Variants in LRFN2 observed in about 807,000 individuals in gnomAD.
LRFN2 encodes leucine rich repeat and fibronectin type III domain containing 2.
A neutral mutation model predicts 37.3 loss-of-function variants in LRFN2; 18 were observed. That is an observed-to-expected ratio of 0.48 (90% CI 0.33 to 0.72). The LOEUF is 0.72. Ranked by LOEUF, LRFN2 falls within the 30% of genes least tolerant of loss-of-function variation. LRFN2 has a pLI of 0.02. For synonymous variants in LRFN2, 556 were observed against 466.6 expected (o/e 1.19, Z -2.47); for missense variants, 1,006 against 1,060.7 (o/e 0.95, Z 0.72).
At chr6:40,541,830 C>T (rs1189457721) in intron 1 of LRFN2, among the ~76,000 whole-genome samples, 1 of 152,224 alleles carries the variant, frequency 6.6e-6, no homozygotes, top group Non-Finnish European at 1.5e-5. Context: ...TTCCAGCACC[C>T]CCTCCCCATA....
At chr6:40,529,610 A>C (rs746996149) in intron 1 of LRFN2, among the ~76,000 whole-genome samples, 3 of 152,254 alleles carry the variant, frequency 2.0e-5, no homozygotes, top group Non-Finnish European at 4.4e-5. Context: ...GATTATGCAT[A>C]GTTTTCTGCC....
chr6:40,474,861 T>G (rs2113859548), intron 1 of LRFN2, among the ~76,000 whole-genome samples: 1 of 152,354 alleles, frequency 6.6e-6, no homozygotes, highest in East Asian at 1.9e-4. Context: ...AAATTATCAT[T>G]TGGAGTTTGC....
chr6:40,436,554 T>A, intron 1 of LRFN2, among the ~76,000 whole-genome samples: 1 of 147,754 alleles, frequency 6.8e-6, no homozygotes, highest in East Asian at 2.0e-4. Flanking sequence ...AAGTGCCGAG[T>A]TCCACACAGC....
intron 1 of LRFN2, among the ~76,000 whole-genome samples, chr6:40,564,159 C>T (rs1395398716): frequency 6.6e-6 from 1 of 152,140 alleles, no homozygotes; most frequent in Non-Finnish European, 1.5e-5. Flanking sequence ...TCAGCTGAGT[C>T]TTAGGTCTGG....
chr6:40,450,547 G>A (rs1561860976), intron 1 of LRFN2, among the ~76,000 whole-genome samples: 3 of 152,340 alleles, frequency 2.0e-5, no homozygotes, highest in Admixed American at 6.5e-5. Flanking sequence ...GGATGCAACC[G>A]TGCTGGAAGC....
intron 2 of LRFN2, among the ~76,000 whole-genome samples, chr6:40,424,009 A>G (rs1763289484): frequency 6.6e-6 from 1 of 152,204 alleles, no homozygotes; most frequent in Admixed American, 6.5e-5. Context: ...TTTAAGTCAT[A>G]CTAGTTGAGT....
chr6:40,554,229 A>G (rs1403056895), intron 1 of LRFN2, among the ~76,000 whole-genome samples: 1 of 152,176 alleles, frequency 6.6e-6, no homozygotes, highest in African/African-American at 2.4e-5. Context: ...GGAAGTCAGG[A>G]TGGATGTCAA....
intron 1 of LRFN2, among the ~76,000 whole-genome samples, chr6:40,475,103 G>T (rs768973777): frequency 1.6e-4 from 24 of 152,184 alleles, no homozygotes; most frequent in Non-Finnish European, 2.9e-4. Context: ...GCCTCCAGGG[G>T]TCAGTATGGC....
intron 1 of LRFN2, among the ~76,000 whole-genome samples, chr6:40,480,498 G>C (rs1357983796): frequency 6.6e-6 from 1 of 152,020 alleles, no homozygotes; most frequent in Non-Finnish European, 1.5e-5. Context: ...GGCTGGTCAC[G>C]ACCTCCTGGG....
intron 1 of LRFN2, among the ~76,000 whole-genome samples, chr6:40,469,322 T>A (rs1399294208): frequency 1.3e-5 from 2 of 152,194 alleles, no homozygotes; most frequent in African/African-American, 4.8e-5. Flanking sequence ...AGAGGACATA[T>A]TTCTGTTGGC....
At chr6:40,409,268 C>G (rs1381672223) in intron 2 of LRFN2, among the ~76,000 whole-genome samples, 1 of 152,202 alleles carries the variant, frequency 6.6e-6, no homozygotes, top group Non-Finnish European at 1.5e-5. Flanking sequence ...TAAGAAGGAA[C>G]CTGTATCGAC....
intron 1 of LRFN2, among the ~76,000 whole-genome samples, chr6:40,458,198 G>A (rs899419144): frequency 3.3e-5 from 5 of 152,188 alleles, no homozygotes; most frequent in African/African-American, 1.2e-4. Context: ...CTTCATTCTA[G>A]GGTGGCAGTG....
chr6:40,421,311 A>G (rs1469918372), intron 2 of LRFN2, among the ~76,000 whole-genome samples: 2 of 152,226 alleles, frequency 1.3e-5, no homozygotes, highest in Admixed American at 1.3e-4. Context: ...GGACATGCCC[A>G]TGATGCAGCC....
intron 2 of LRFN2, among the ~76,000 whole-genome samples, chr6:40,417,233 G>C (rs928217466): frequency 5.9e-5 from 9 of 152,204 alleles, no homozygotes; most frequent in African/African-American, 2.2e-4. Flanking sequence ...CATTTTGACG[G>C]GTGGTAAAAA....
At chr6:40,434,745 T>C (rs955059319) in intron 1 of LRFN2, among the ~76,000 whole-genome samples, 28 of 151,806 alleles carry the variant, frequency 1.8e-4, no homozygotes, top group Non-Finnish European at 2.6e-4. Context: ...CCCAAAGTGC[T>C]GGGATTACAA....
At chr6:40,497,399 C>G (rs1381895221) in intron 1 of LRFN2, among the ~76,000 whole-genome samples, 2 of 152,164 alleles carry the variant, frequency 1.3e-5, no homozygotes, top group African/African-American at 2.4e-5. Context: ...CTCTGCCCCC[C>G]ATTCTCTCTT....
At chr6:40,567,783 G>A (rs1407721672) in intron 1 of LRFN2, among the ~76,000 whole-genome samples, 1 of 152,204 alleles carries the variant, frequency 6.6e-6, no homozygotes, top group Non-Finnish European at 1.5e-5. Flanking sequence ...ACCTTGAGGA[G>A]TTCTGACAGG....
At chr6:40,584,633 A>G (rs1319822235) in intron 1 of LRFN2, among the ~76,000 whole-genome samples, 1 of 152,140 alleles carries the variant, frequency 6.6e-6, no homozygotes, top group Non-Finnish European at 1.5e-5. Context: ...ACCTTAGGAA[A>G]GGGGAGTTTC....
chr6:40,545,494 A>G (rs2894429), intron 1 of LRFN2, among the ~76,000 whole-genome samples: 67,725 of 152,080 alleles, frequency 0.45, 16,032 homozygotes, highest in African/African-American at 0.6. Flanking sequence ...TCTCATGTTT[A>G]AGCACTGGGC....
Sources: gnomAD v4.1 joint callset for allele counts (sites outside exome capture counted in the v4.1 genomes callset) on GRCh38, gnomAD v4.1.1 for gene constraint, MANE v1.5 for transcripts, NCBI Gene and HGNC (gene_info 2026-07-23, HGNC 2026-07-21) for gene names.